Variants in ST3GAL3 observed in about 807,000 individuals in gnomAD.
ST3GAL3 encodes the protein ST3 beta-galactoside alpha-2,3-sialyltransferase 3.
Under a neutral mutation model 50.1 loss-of-function variants are expected in ST3GAL3, and 21 were observed. That is an observed-to-expected ratio of 0.42 (90% CI 0.30 to 0.60). The LOEUF (loss-of-function observed/expected upper bound fraction) is 0.60, where lower values mean the gene tolerates loss of function less well. ST3GAL3 is among the 20% of genes least tolerant of loss of function. The probability of loss-of-function intolerance (pLI) is 0.19; values close to 1 mark genes in which losing one functional copy is unlikely to be tolerated. For synonymous variants in ST3GAL3, 183 were observed against 190.0 expected (o/e 0.96, Z 0.30); for missense variants, 353 against 489.4 (o/e 0.72, Z 2.63).
At chr1:43,838,394 C>T (rs2064796286) in intron 5 of ST3GAL3, 83 bp downstream of exon 5, 2 of 1,260,008 alleles carry the variant, frequency 1.6e-6, no homozygotes, top group African/African-American at 3.0e-5. Context: ...CACAGCCAGT[C>T]ATGTTCTCCT....
At chr1:43,790,991 A>G (rs1289480377) in intron 2 of ST3GAL3, among the ~76,000 whole-genome samples, 1 of 151,988 alleles carries the variant, frequency 6.6e-6, no homozygotes. Flanking sequence ...ACTGTACAGT[A>G]TTTGCTTTTA....
intron 5 of ST3GAL3, among the ~76,000 whole-genome samples, chr1:43,871,504 G>A (rs2072732612): frequency 1.4e-5 from 2 of 145,814 alleles, no homozygotes; most frequent in Admixed American, 6.8e-5. Flanking sequence ...GGAGAGGATG[G>A]GGTGTGAGGG....
chr1:43,908,830 C>A (rs1183550906), intron 9 of ST3GAL3, among the ~76,000 whole-genome samples: 1 of 152,150 alleles, frequency 6.6e-6, no homozygotes, highest in Non-Finnish European at 1.5e-5. Context: ...TGGGGTTTCG[C>A]CATGTTGGCC....
chr1:43,746,770 GT>G (rs557142223), intron 2 of ST3GAL3, among the ~76,000 whole-genome samples: 29 of 93,730 alleles, frequency 3.1e-4, no homozygotes, highest in Admixed American at 2.1e-4. Flanking sequence ...CCTAGTTTTT[GT>G]TTTTTTTTTT....
At chr1:43,917,024 A>G (rs1357594236) in intron 9 of ST3GAL3, 1 of 152,096 alleles carries the variant, frequency 6.6e-6, no homozygotes, top group Non-Finnish European at 1.5e-5. Context: ...CTTTTTACAA[A>G]GGTCTTCATT....
At chr1:43,736,402 C>T (rs1198661134) in intron 2 of ST3GAL3, 22 bp downstream of exon 2, 1 of 1,614,130 alleles carries the variant, frequency 6.2e-7, no homozygotes, top group Non-Finnish European at 8.5e-7. Flanking sequence ...CACTCTAGCT[C>T]ACCCCAGGAG....
At chr1:43,842,846 G>A (rs1028790749) in intron 5 of ST3GAL3, 3 of 149,082 alleles carry the variant, frequency 2.0e-5, no homozygotes, top group African/African-American at 7.4e-5. Flanking sequence ...GCACATGGAT[G>A]TTCAGTTGTT....
Position 43,788,606 on chromosome 1 carries a change from C to T in ST3GAL3, c.119-3496C>T, listed in dbSNP as rs762204222. On this transcript the variant is annotated intron_variant, in intron 2 of 11. Coordinates refer to ENST00000347631, the MANE Select transcript of ST3GAL3 (RefSeq NM_006279.5). ...CAATACCCAGAATGGATTTTACCTC[C>T]AACTTGTAAAATATCACTCAGATAA... Among the ~76,000 whole-genome samples the T allele has an allele frequency of 1.2e-4, 18 of 152,108 alleles. 1 individual carries two copies. The highest frequency in any genetic ancestry group is 5.9e-4 in the Admixed American group (9 of 15,274).
At chr1:43,922,066 C>T (rs951147239) in intron 11 of ST3GAL3, 3 of 221,456 alleles carry the variant, frequency 1.4e-5, no homozygotes, top group Non-Finnish European at 2.4e-5. Flanking sequence ...TTCTGATCTA[C>T]GCCTTAAAAT....
chr1:43,907,790 A>C (rs1237285914), intron 9 of ST3GAL3, among the ~76,000 whole-genome samples: 3 of 151,974 alleles, frequency 2.0e-5, no homozygotes, highest in African/African-American at 7.3e-5. Flanking sequence ...CACATCTATG[A>C]ATGTATTTGG....
Position 43,902,514 on chromosome 1 carries a change from T to G in ST3GAL3, c.744+2787T>G, listed in dbSNP as rs2078456842. ...ATCTGAGAACTCTCCTCTTCATCAT[T>G]TGTGGCCATTTGGGTCCCTGACTCA... On this transcript the variant is annotated intron_variant, in intron 9 of 11. Coordinates refer to ENST00000347631, the MANE Select transcript of ST3GAL3 (RefSeq NM_006279.5). 1.3e-5 allele frequency among the ~76,000 whole-genome samples: 2 copies of G among 152,172 alleles called. 1 individual carries two copies. The highest frequency in any genetic ancestry group is 4.1e-4 in the South Asian group (2 of 4,832).
chr1:43,768,301 G>A (rs1328363747), intron 2 of ST3GAL3, among the ~76,000 whole-genome samples: 1 of 152,082 alleles, frequency 6.6e-6, no homozygotes, highest in Non-Finnish European at 1.5e-5. Flanking sequence ...TTAGCTGGGT[G>A]TGGTGGTACA....
chr1:43,892,345 C>G (rs1027597037), intron 5 of ST3GAL3, among the ~76,000 whole-genome samples: 2 of 152,130 alleles, frequency 1.3e-5, no homozygotes, highest in African/African-American at 4.8e-5. Flanking sequence ...GCAGCCTCAA[C>G]CCCCCGAGCT....
At chr1:43,864,269 ACT>A (rs1379883961) in intron 5 of ST3GAL3, among the ~76,000 whole-genome samples, 1 of 151,860 alleles carries the variant, frequency 6.6e-6, no homozygotes, top group Non-Finnish European at 1.5e-5. Context: ...CAAGAGCAAA[ACT>A]CTGTCTCAGG....
intron 6 of ST3GAL3, 111 bp from the exon 7 acceptor site, chr1:43,898,124 C>G: frequency 8.6e-7 from 1 of 1,165,994 alleles, no homozygotes; most frequent in East Asian, 2.4e-5. Flanking sequence ...CTCTCCACTT[C>G]CACTTTCACT....
intron 1 of ST3GAL3, among the ~76,000 whole-genome samples, chr1:43,721,238 C>T (rs1670262655): frequency 1.3e-5 from 2 of 150,546 alleles, no homozygotes; most frequent in African/African-American, 4.9e-5. Flanking sequence ...GAGCAAGACC[C>T]TGTCTCTTAA....
At chr1:43,905,331 TCC>T in intron 9 of ST3GAL3, among the ~76,000 whole-genome samples, 1 of 123,104 alleles carries the variant, frequency 8.1e-6, no homozygotes, top group African/African-American at 3.2e-5. Context: ...CTCCTCCTGT[TCC>T]CCTTCCCACC....
At chr1:43,844,534 G>A (rs919538589) in intron 5 of ST3GAL3, among the ~76,000 whole-genome samples, 3 of 152,184 alleles carry the variant, frequency 2.0e-5, no homozygotes, top group African/African-American at 4.8e-5. Flanking sequence ...ATTGGTGGCC[G>A]GGCACGGTGG....
At chr1:43,824,597 A>G in intron 4 of ST3GAL3, 1 of 991,988 alleles carries the variant, frequency 1.0e-6, no homozygotes, top group East Asian at 2.4e-5. Flanking sequence ...AGGAGAGCAT[A>G]GCATTGCAGG....
Sources: allele counts gnomAD v4.1 joint callset (sites outside exome capture counted in the v4.1 genomes callset), GRCh38; gene constraint gnomAD v4.1.1; transcripts MANE v1.5; gene names NCBI Gene and HGNC (gene_info 2026-07-23, HGNC 2026-07-21).